Variants in PBX3 observed in about 807,000 individuals in gnomAD.
PBX3 encodes the protein PBX homeobox 3.
In PBX3, 14 loss-of-function variants were observed where a neutral mutation model predicts 48.5. The observed-to-expected ratio is 0.29, with a 90% CI of 0.19 to 0.45. PBX3 has a LOEUF of 0.45. Among genes scored for constraint, PBX3 ranks in the 20% least tolerant of loss-of-function variants. The pLI is 1.00. For synonymous variants in PBX3, 210 were observed against 200.3 expected (o/e 1.05, Z -0.41); for missense variants, 386 against 546.7 (o/e 0.71, Z 2.93).
intron 5 of PBX3, among the ~76,000 whole-genome samples, chr9:125,936,468 C>G: frequency 6.6e-6 from 1 of 152,124 alleles, no homozygotes; most frequent in East Asian, 1.9e-4. Context: ...TGACGCTTGT[C>G]AAAAATTTCA....
At chr9:125,926,428 G>A (rs563798221) in intron 3 of PBX3, among the ~76,000 whole-genome samples, 1 of 152,266 alleles carries the variant, frequency 6.6e-6, no homozygotes, top group Admixed American at 6.5e-5. Flanking sequence ...GCTGAGGCAC[G>A]GGAATCACTC....
At chr9:125,928,192 A>C (rs1841623017) in intron 3 of PBX3, among the ~76,000 whole-genome samples, 1 of 151,872 alleles carries the variant, frequency 6.6e-6, no homozygotes, top group South Asian at 2.1e-4. Flanking sequence ...CTCTGTCTCT[A>C]CAAAAAAAAA....
At chr9:125,842,179 A>T (rs1839306045) in intron 2 of PBX3, among the ~76,000 whole-genome samples, 1 of 152,112 alleles carries the variant, frequency 6.6e-6, no homozygotes, top group Admixed American at 6.5e-5. Context: ...CTTAAAGCAA[A>T]AAGTTGCTGT....
chr9:125,747,740 T>C lies in PBX3; in HGVS notation c.200+87T>C, dbSNP rs114000189. 9,020 of 1,011,662 alleles carry C rather than the reference T, an allele frequency of 8.9e-3. 581 individuals are homozygous for C. In the African/African-American group the frequency reaches 0.13, roughly 15 times the overall value. The allele number at this position is 1,011,662 out of a possible 1,614,324, so 62.7% of individuals were successfully genotyped here. On this transcript the variant is annotated intron_variant, in intron 1 of 8. Transcript: ENST00000373489. ...CGAGGCCCGGGGTGGCGCCCGGGGC[T>C]AGGGCCGCAGCCCCCGGCGGGGAAC...
chr9:125,752,534 G>A (rs2131950839), intron 2 of PBX3, among the ~76,000 whole-genome samples: 1 of 152,284 alleles, frequency 6.6e-6, no homozygotes, highest in Non-Finnish European at 1.5e-5. Context: ...ATTGCTAGAA[G>A]TGTGACTAGC....
chr9:125,899,189 G>T (rs1840846421), intron 2 of PBX3, among the ~76,000 whole-genome samples: 1 of 142,188 alleles, frequency 7.0e-6, no homozygotes, highest in Non-Finnish European at 1.5e-5. Context: ...ACATTCTTTA[G>T]ATGATATATA....
intron 2 of PBX3, among the ~76,000 whole-genome samples, chr9:125,815,597 T>G (rs1220086784): frequency 6.6e-6 from 1 of 152,206 alleles, no homozygotes; most frequent in African/African-American, 2.4e-5. Context: ...TAGTACTCCC[T>G]TCTTTAACTG....
In PBX3 at chr9:125,962,311, C is replaced by T. The variant is rs955503750; in HGVS notation, c.1122+97C>T. The T allele has an allele frequency of 2.0e-5, 13 of 651,382 alleles. No homozygotes were observed. The African/African-American group carries it at 2.2e-4, about 11-fold the overall frequency. The allele number at this position is 651,382 out of a possible 1,614,324, so 40.4% of individuals were successfully genotyped here. On this transcript the variant is annotated intron_variant, in intron 7 of 8. Transcript: ENST00000373489. ...CATGGAAGTGGTCTACACATCCATG[C>T]AGAACCTGTGCTGGGTGCTTCCAAC... is the stretch of plus-strand genomic sequence containing the variant.
chr9:125,864,550 T>C (rs1839935359), intron 2 of PBX3, among the ~76,000 whole-genome samples: 1 of 152,202 alleles, frequency 6.6e-6, no homozygotes, highest in African/African-American at 2.4e-5. Flanking sequence ...TTCCTTCAAC[T>C]AGACGGTCCT....
intron 2 of PBX3, among the ~76,000 whole-genome samples, chr9:125,783,719 C>A (rs535496128): frequency 6.6e-6 from 1 of 151,966 alleles, no homozygotes; most frequent in Non-Finnish European, 1.5e-5. Flanking sequence ...TATTTTGGGC[C>A]GGGAGCAGCA....
chr9:125,899,321 T>TATATAAATATACATATATGTATATATA (rs1564163366), intron 2 of PBX3, among the ~76,000 whole-genome samples: 4 of 104,336 alleles, frequency 3.8e-5, no homozygotes, highest in African/African-American at 1.4e-4. Flanking sequence ...GTATATATTT[T>TATATAAATATACATATATGTATATATA]TATATAAATA....
intron 2 of PBX3, among the ~76,000 whole-genome samples, chr9:125,906,924 A>G (rs1841086271): frequency 6.6e-6 from 1 of 152,062 alleles, no homozygotes; most frequent in Non-Finnish European, 1.5e-5. Context: ...TAATGAGTAC[A>G]TTTGCAGGAA....
chr9:125,755,989 A>G (rs1236236556), intron 2 of PBX3, among the ~76,000 whole-genome samples: 4 of 152,006 alleles, frequency 2.6e-5, no homozygotes, highest in Non-Finnish European at 5.9e-5. Flanking sequence ...CAGAAGTGTA[A>G]ACTTCTGTGT....
intron 2 of PBX3, among the ~76,000 whole-genome samples, chr9:125,849,976 G>A (rs529280804): frequency 2.6e-5 from 4 of 152,068 alleles, no homozygotes; most frequent in African/African-American, 4.8e-5. Context: ...TACGTATTAT[G>A]TACTTTGTGC....
chr9:125,794,106 A>T lies in PBX3; in HGVS notation c.274+45483A>T, dbSNP rs147604054. Among the ~76,000 whole-genome samples, 403 of 152,352 alleles carry T rather than the reference A, an allele frequency of 2.6e-3. 1 individual carries two copies. Among genetic ancestry groups the T allele is most frequent in the African/African-American group, 9.0e-3 (376 of 41,576 alleles). On this transcript the variant is annotated intron_variant, in intron 2 of 8. Coordinates refer to ENST00000373489, the MANE Select transcript of PBX3 (RefSeq NM_006195.6). ...GAATTCTTAATTTTACAAATGAGGA[A>T]ATTAAAATGTGGATAAATTGAATCG...
intron 2 of PBX3, among the ~76,000 whole-genome samples, chr9:125,894,248 A>G (rs1840717652): frequency 1.3e-5 from 2 of 152,188 alleles, no homozygotes; most frequent in Admixed American, 1.3e-4. Context: ...TGTGAGCAGC[A>G]TTCATTAAAT....
chr9:125,780,196 C>G (rs1177390281), intron 2 of PBX3, among the ~76,000 whole-genome samples: 3 of 130,460 alleles, frequency 2.3e-5, no homozygotes, highest in African/African-American at 8.8e-5. Flanking sequence ...AGGTGCTGAT[C>G]CCCCCACCTC....
At chr9:125,782,066 A>G (rs1046560568) in intron 2 of PBX3, among the ~76,000 whole-genome samples, 2 of 152,168 alleles carry the variant, frequency 1.3e-5, no homozygotes, top group African/African-American at 4.8e-5. Context: ...GTTTATAACA[A>G]TCTGGTGTAT....
chr9:125,785,061 G>A (rs1837423683), intron 2 of PBX3, among the ~76,000 whole-genome samples: 1 of 152,148 alleles, frequency 6.6e-6, no homozygotes. Context: ...GCCCCAGGTG[G>A]CTGCACATCT....
Sources: allele counts gnomAD v4.1 joint callset (sites outside exome capture counted in the v4.1 genomes callset), GRCh38; gene constraint gnomAD v4.1.1; transcripts MANE v1.5; gene names NCBI Gene and HGNC (gene_info 2026-07-23, HGNC 2026-07-21).